The following FOXP2 variants were observed in gnomAD, a reference collection of about 807,000 sequenced individuals.
FOXP2 encodes forkhead box protein P2.
In FOXP2, 12 loss-of-function variants were observed where a neutral mutation model predicts 115.8. That is an observed-to-expected ratio of 0.10 (90% CI 0.07 to 0.17). The LOEUF (loss-of-function observed/expected upper bound fraction) is 0.17, where lower values mean the gene tolerates loss of function less well. Ranked by LOEUF, FOXP2 falls within the 10% of genes least tolerant of loss-of-function variation. FOXP2 has a pLI of 1.00. For synonymous variants in FOXP2, 328 were observed against 297.7 expected (o/e 1.10, Z -1.05); for missense variants, 629 against 843.5 (o/e 0.75, Z 3.15).
At chr7:114,467,662 T>C (rs550647934) in intron 2 of FOXP2, among the ~76,000 whole-genome samples, 43 of 152,272 alleles carry the variant, frequency 2.8e-4, no homozygotes, top group Non-Finnish European at 4.3e-4. Flanking sequence ...TACCCTATTA[T>C]AGTTAGTACA....
At chr7:114,599,411 A>G (rs1221622023) in intron 3 of FOXP2, among the ~76,000 whole-genome samples, 1 of 152,160 alleles carries the variant, frequency 6.6e-6, no homozygotes, top group Non-Finnish European at 1.5e-5. Flanking sequence ...TTGTGGAAGA[A>G]TAGTATTGCT....
chr7:114,497,030 G>A, intron 2 of FOXP2, among the ~76,000 whole-genome samples: 1 of 152,110 alleles, frequency 6.6e-6, no homozygotes, highest in East Asian at 1.9e-4. Flanking sequence ...AAATACCTTG[G>A]AATCTAGCAG....
intron 2 of FOXP2, among the ~76,000 whole-genome samples, chr7:114,522,103 G>C (rs1296856046): frequency 6.6e-6 from 1 of 152,194 alleles, no homozygotes; most frequent in African/African-American, 2.4e-5. Context: ...TACAATAGTA[G>C]ATGTTAAGGG....
intron 3 of FOXP2, among the ~76,000 whole-genome samples, chr7:114,589,236 A>G (rs1468187762): frequency 2.0e-5 from 3 of 151,712 alleles, no homozygotes; most frequent in Admixed American, 6.6e-5. Flanking sequence ...TTTTTAGGCT[A>G]TTGGCTTTTT....
At chr7:114,443,456 A>C (rs1794696585) in intron 2 of FOXP2, among the ~76,000 whole-genome samples, 1 of 152,090 alleles carries the variant, frequency 6.6e-6, no homozygotes, top group African/African-American at 2.4e-5. Flanking sequence ...TCAGGGGTAC[A>C]TGTGCAGGTT....
intron 3 of FOXP2, chr7:114,538,216 T>TA (rs1359800995): frequency 2.7e-6 from 2 of 738,406 alleles, no homozygotes; most frequent in Non-Finnish European, 4.2e-6. Flanking sequence ...TCTGTAAATT[T>TA]AAAAAAATTT....
intron 1 of FOXP2, among the ~76,000 whole-genome samples, chr7:114,093,058 T>C (rs1359618283): frequency 6.6e-6 from 1 of 152,018 alleles, no homozygotes; most frequent in African/African-American, 2.4e-5. Flanking sequence ...CTTTTGAAAA[T>C]ATGTCTGTGT....
intron 7 of FOXP2, among the ~76,000 whole-genome samples, 183 bp downstream of exon 7, chr7:114,642,806 A>ATTT (rs1563054553): frequency 4.6e-5 from 2 of 43,106 alleles, no homozygotes; most frequent in Admixed American, 3.1e-4. Context: ...ATATATATAT[A>ATTT]TATATATTTT....
In FOXP2 at chr7:114,690,478, T is replaced by C. The variant is rs1808609024; in HGVS notation, c.*552T>C. ...TAGCTGAATTTTAAACAACAGAACATTAGTTTTTTATGTTGGTGCCACCAA... is the reference window on the plus strand; with the variant it reads ...TAGCTGAATTTTAAACAACAGAACACTAGTTTTTTATGTTGGTGCCACCAA... On this transcript the variant is annotated 3_prime_UTR_variant, in exon 17 of 17. Transcript: ENST00000350908. 1 of 453,862 alleles carries C rather than the reference T, an allele frequency of 2.2e-6. No individual in the cohort carries two copies. 28.1% of individuals were successfully genotyped at this position (453,862 alleles called of 1,614,324 possible). A position where few individuals can be genotyped will look rare whatever the true frequency, so the allele number is the denominator to read the frequency against.
intron 1 of FOXP2, among the ~76,000 whole-genome samples, chr7:114,120,396 G>T (rs553784872): frequency 1.2e-4 from 18 of 152,198 alleles, no homozygotes; most frequent in African/African-American, 4.3e-4. Context: ...TTATCTTAAG[G>T]ATAGTAGTAA....
intron 1 of FOXP2, among the ~76,000 whole-genome samples, chr7:114,257,451 C>CTTTTTT (rs35852445): frequency 5.4e-5 from 5 of 92,192 alleles, no homozygotes; most frequent in Non-Finnish European, 8.5e-5. Context: ...TCTTTTCTTT[C>CTTTTTT]TTTTTTTTTT....
intron 2 of FOXP2, among the ~76,000 whole-genome samples, chr7:114,500,681 A>G (rs534505163): frequency 3.7e-4 from 56 of 152,304 alleles, no homozygotes; most frequent in African/African-American, 1.3e-3. Flanking sequence ...GCCCAAAGTA[A>G]TACAGCTCTT....
chr7:114,222,330 A>AT (rs1298149629), intron 1 of FOXP2, among the ~76,000 whole-genome samples: 6 of 151,810 alleles, frequency 4.0e-5, no homozygotes, highest in African/African-American at 1.5e-4. Context: ...TAATTTTTTA[A>AT]TTTTTTGTAG....
chr7:114,620,038 C>T (rs187264049), intron 3 of FOXP2, among the ~76,000 whole-genome samples: 132 of 152,022 alleles, frequency 8.7e-4, no homozygotes, highest in Non-Finnish European at 1.4e-3. Flanking sequence ...CTAAATAAAA[C>T]GTGCTTAGTA....
At position 114,379,492 on chromosome 7, in the gene FOXP2, T is replaced by C. The variant is rs138191949; in HGVS notation, c.-10-47010T>C. ...ACCACTCTAACTGCTTCCTGCTGAA[T>C]TGGGGCATAGTAGGGGTTGTGCAGT... On this transcript the variant is annotated intron_variant, in intron 2 of 17. Coordinates refer to the FOXP2 transcript ENST00000634411. 9.2e-4 allele frequency among the ~76,000 whole-genome samples: 140 copies of C among 152,110 alleles called. 1 individual carries two copies. Among genetic ancestry groups the C allele is most frequent in the Non-Finnish European group, 1.7e-3 (114 of 67,966 alleles).
intron 2 of FOXP2, among the ~76,000 whole-genome samples, chr7:114,370,352 G>A (rs1791974954): frequency 6.6e-6 from 1 of 152,210 alleles, no homozygotes; most frequent in Non-Finnish European, 1.5e-5. Context: ...AAAGAGTCGT[G>A]CCCCAATGGC....
chr7:114,234,914 A>G (rs542321716), intron 1 of FOXP2, among the ~76,000 whole-genome samples: 10 of 152,122 alleles, frequency 6.6e-5, no homozygotes, highest in Admixed American at 6.5e-4. Flanking sequence ...AGTCATCTCC[A>G]GTTAAAGGCC....
intron 1 of FOXP2, among the ~76,000 whole-genome samples, chr7:114,264,432 G>A (rs1232665441): frequency 6.6e-6 from 1 of 152,092 alleles, no homozygotes. Flanking sequence ...ACACAAATAT[G>A]CTCATGTTTT....
intron 2 of FOXP2, among the ~76,000 whole-genome samples, chr7:114,482,677 AT>A (rs555298271): frequency 6.6e-6 from 1 of 151,672 alleles, no homozygotes; most frequent in South Asian, 2.1e-4. Flanking sequence ...AGATATAAAT[AT>A]TTTTATGTGT....
Sources: gnomAD v4.1 joint callset for allele counts (sites outside exome capture counted in the v4.1 genomes callset) on GRCh38, gnomAD v4.1.1 for gene constraint, MANE v1.5 for transcripts, NCBI Gene and HGNC (gene_info 2026-07-23, HGNC 2026-07-21) for gene names.